NUDT4: variants seen among roughly 807,000 people sequenced by gnomAD.
The protein encoded by NUDT4 is nudix hydrolase 4.
A neutral mutation model predicts 23.1 loss-of-function variants in NUDT4; 5 were observed. The observed-to-expected ratio is 0.22, with a 90% CI of 0.11 to 0.46. NUDT4 has a LOEUF of 0.46. Ranked by LOEUF, NUDT4 falls within the 20% of genes least tolerant of loss-of-function variation. The pLI, the probability that NUDT4 is intolerant of heterozygous loss-of-function variation, is 0.99. For missense variants in NUDT4, 96 were observed against 211.6 expected (o/e 0.45, Z 3.39); for synonymous variants, 50 against 79.0 (o/e 0.63, Z 1.95).
intron 2 of NUDT4, among the ~76,000 whole-genome samples, chr12:93,395,223 T>G (rs1278577892): frequency 6.6e-6 from 1 of 152,124 alleles, no homozygotes; most frequent in Non-Finnish European, 1.5e-5. Flanking sequence ...TGACCTCAAG[T>G]GATCCTTCTG....
At position 93,401,944 on chromosome 12, in the gene NUDT4, G is replaced by T; in HGVS notation, c.*2565G>T. Reference sequence around the variant, plus strand: ...GTGATTTTTTTTTTTTTTTTTTGGTGGGGTAGTTGAATAAAATTGGGCAGC... The same window carrying T: ...GTGATTTTTTTTTTTTTTTTTTGGTTGGGTAGTTGAATAAAATTGGGCAGC... On this transcript the variant is annotated 3_prime_UTR_variant, in exon 5 of 5. Coordinates refer to ENST00000415493, the MANE Select transcript of NUDT4 (RefSeq NM_019094.6). 1.6e-5 allele frequency: 2 copies of T among 124,768 alleles called. No homozygotes were observed. Among genetic ancestry groups the T allele is most frequent in the Admixed American group, 8.5e-5 (1 of 11,710 alleles). The allele number at this position is 124,768 out of a possible 1,614,324, so 7.7% of individuals were successfully genotyped here.
At chr12:93,385,198 A>G (rs768221695) in intron 1 of NUDT4, 1 of 152,200 alleles carries the variant, frequency 6.6e-6, no homozygotes. Flanking sequence ...TATCTAATAC[A>G]TGGGAAGAGG....
intron 1 of NUDT4, among the ~76,000 whole-genome samples, chr12:93,383,470 G>A (rs1347005738): frequency 3.8e-5 from 3 of 79,548 alleles, no homozygotes; most frequent in Non-Finnish European, 7.7e-5. Flanking sequence ...TTAGGTTAAC[G>A]TAGTTTCAAC....
At chr12:93,393,411 A>G (rs534676694) in intron 1 of NUDT4, among the ~76,000 whole-genome samples, 4 of 152,184 alleles carry the variant, frequency 2.6e-5, no homozygotes, top group South Asian at 4.1e-4. Context: ...CCACATTTCA[A>G]TCTTAATGCT....
rs115600751 is a variant in NUDT4 at position 93,382,957 on chromosome 12, G to A, written c.99+4536G>A. Among the ~76,000 whole-genome samples the A allele has an allele frequency of 3.5e-3, 535 of 152,136 alleles. 6 individuals are homozygous for A. Among genetic ancestry groups the A allele is most frequent in the African/African-American group, 0.012 (489 of 41,514 alleles). ...ATTACAGGCATGAGCCACTGCACCC[G>A]GCTTGGAAGCCTTTTTTAAACACAG... is the stretch of plus-strand genomic sequence containing the variant. On this transcript the variant is annotated intron_variant, in intron 1 of 4. Coordinates refer to ENST00000415493, the MANE Select transcript of NUDT4 (RefSeq NM_019094.6).
chr12:93,394,808 G>A (rs1876813954), intron 2 of NUDT4, 89 bp downstream of exon 2: 2 of 726,384 alleles, frequency 2.8e-6, no homozygotes, highest in African/African-American at 3.6e-5. Flanking sequence ...GACGGGTCCA[G>A]GAGTGCTTTT....
chr12:93,391,217 C>T (rs1876472865), intron 1 of NUDT4, among the ~76,000 whole-genome samples: 1 of 151,982 alleles, frequency 6.6e-6, no homozygotes, highest in South Asian at 2.1e-4. Context: ...CACTTGAGCC[C>T]ATGGTTTTGA....
At chr12:93,393,830 G>T (rs1347181717) in intron 1 of NUDT4, among the ~76,000 whole-genome samples, 1 of 152,088 alleles carries the variant, frequency 6.6e-6, no homozygotes, top group East Asian at 1.9e-4. Flanking sequence ...GTCTTTATGT[G>T]CATTTCCCTA....
chr12:93,389,579 G>C (rs1172680937), intron 1 of NUDT4, among the ~76,000 whole-genome samples: 1 of 152,136 alleles, frequency 6.6e-6, no homozygotes, highest in East Asian at 1.9e-4. Context: ...TAGTCATGCT[G>C]ATGTCTTGTA....
intron 3 of NUDT4, among the ~76,000 whole-genome samples, chr12:93,397,839 A>C (rs1877045681): frequency 6.6e-6 from 1 of 151,896 alleles, no homozygotes; most frequent in African/African-American, 2.4e-5. Context: ...GCTATTCTTT[A>C]TGTGCACCTT....
At chr12:93,378,506 A>C in intron 1 of NUDT4, 85 bp downstream of exon 1, 2 of 1,358,950 alleles carry the variant, frequency 1.5e-6, no homozygotes, top group Non-Finnish European at 1.9e-6. Flanking sequence ...GCCCCTGCGC[A>C]GGCTGCGGGG....
intron 1 of NUDT4, among the ~76,000 whole-genome samples, chr12:93,379,381 AT>A (rs1242552712): frequency 6.6e-6 from 1 of 152,236 alleles, no homozygotes; most frequent in Non-Finnish European, 1.5e-5. Context: ...GGTGAAAAAA[AT>A]TAACATTCTG....
intron 3 of NUDT4, 100 bp downstream of exon 3, chr12:93,395,633 T>C: frequency 4.2e-6 from 4 of 950,084 alleles, no homozygotes; most frequent in Non-Finnish European, 6.8e-6. Context: ...GACATTTCTC[T>C]CAGACTAGCA....
At chr12:93,390,828 C>T (rs1030613561) in intron 1 of NUDT4, among the ~76,000 whole-genome samples, 1 of 152,100 alleles carries the variant, frequency 6.6e-6, no homozygotes, top group African/African-American at 2.4e-5. Context: ...TGTTCTCACA[C>T]CTGCCCGCCT....
chr12:93,383,761 G>C (rs1875862474), intron 1 of NUDT4, among the ~76,000 whole-genome samples: 1 of 152,236 alleles, frequency 6.6e-6, no homozygotes, highest in Admixed American at 6.5e-5. Context: ...GAACCCAGGA[G>C]GCGGGGCTTT....
intron 3 of NUDT4, among the ~76,000 whole-genome samples, chr12:93,397,716 G>A (rs1297263489): frequency 2.0e-5 from 3 of 152,012 alleles, no homozygotes; most frequent in Admixed American, 2.0e-4. Flanking sequence ...GTAGAGACGG[G>A]GTTTCACCAT....
intron 1 of NUDT4, among the ~76,000 whole-genome samples, chr12:93,390,228 C>T (rs112412762): frequency 0.027 from 4,177 of 152,252 alleles, 191 homozygotes; most frequent in African/African-American, 0.094. Context: ...ACAAGAATTT[C>T]ATCTAGGCAA....
chr12:93,397,731 G>T (rs1877037047), intron 3 of NUDT4, among the ~76,000 whole-genome samples: 1 of 152,030 alleles, frequency 6.6e-6, no homozygotes, highest in African/African-American at 2.4e-5. Context: ...CACCATGTTG[G>T]ACAGGCTGGG....
chr12:93,395,305 C>T (rs1352244955), intron 2 of NUDT4, among the ~76,000 whole-genome samples, 184 bp from the exon 3 acceptor site: 1 of 152,148 alleles, frequency 6.6e-6, no homozygotes, highest in Non-Finnish European at 1.5e-5. Context: ...AATTTTTGAT[C>T]AGTCCTTGCC....
Sources: gnomAD v4.1 joint callset for allele counts (sites outside exome capture counted in the v4.1 genomes callset) on GRCh38, gnomAD v4.1.1 for gene constraint, MANE v1.5 for transcripts, NCBI Gene and HGNC (gene_info 2026-07-23, HGNC 2026-07-21) for gene names.